Variants in SEMA5B observed in about 807,000 individuals in gnomAD.
The protein encoded by SEMA5B is semaphorin-5B.
Under a neutral mutation model 135.0 loss-of-function variants are expected in SEMA5B, and 66 were observed. That is an observed-to-expected ratio of 0.49 (90% CI 0.40 to 0.60). SEMA5B has a LOEUF of 0.60. Ranked by LOEUF, SEMA5B falls within the 20% of genes least tolerant of loss-of-function variation. The probability of loss-of-function intolerance (pLI) is 0.00; values close to 1 mark genes in which losing one functional copy is unlikely to be tolerated. For missense variants in SEMA5B, 1,501 were observed against 1,566.3 expected, an observed-to-expected ratio of 0.96 and a Z score of 0.70; for synonymous variants, 690 against 639.5, an observed-to-expected ratio of 1.08 and a Z score of -1.19.
intron 12 of SEMA5B, among the ~76,000 whole-genome samples, chr3:122,918,364 G>A (rs956361952): frequency 9.8e-5 from 15 of 152,292 alleles, no homozygotes; most frequent in Non-Finnish European, 1.6e-4. Flanking sequence ...TTTAAAAAGC[G>A]TAAGCAAACA....
chr3:122,981,125 A>C (rs898367769), intron 1 of SEMA5B, among the ~76,000 whole-genome samples: 1 of 152,284 alleles, frequency 6.6e-6, no homozygotes, highest in Admixed American at 6.5e-5. Flanking sequence ...GGTGTGTGTT[A>C]AATGGACATG....
intron 1 of SEMA5B, among the ~76,000 whole-genome samples, chr3:123,017,917 A>G (rs1942598082): frequency 2.0e-5 from 3 of 149,184 alleles, no homozygotes; most frequent in African/African-American, 7.7e-5. Context: ...ATCTCAAAAA[A>G]AGAAAAAAAA....
rs560433908 is a variant in SEMA5B, at chr3:122,936,878, G to A, written c.474+2547C>T. ...AGGATTGGGAAGGAGCTGGGCATTC[G>A]ATTTTCTTTAAGGAAGAGTGGTTTA... On this transcript the variant is annotated intron_variant, in intron 5 of 22. Transcript: ENST00000357599. Among the ~76,000 whole-genome samples the A allele has an allele frequency of 5.3e-5, 8 of 152,310 alleles. No homozygotes were observed. In the South Asian group the frequency reaches 1.2e-3, roughly 24 times the overall value.
At chr3:122,943,592 A>T in intron 3 of SEMA5B, 57 bp from the exon 4 acceptor site, 1 of 1,271,498 alleles carries the variant, frequency 7.9e-7, no homozygotes, top group Non-Finnish European at 1.1e-6. Context: ...TCCCAGCTGC[A>T]TCGCAGCAGA....
At chr3:122,912,744 C>T (rs1253639019) in intron 18 of SEMA5B, 99 bp downstream of exon 18, 17 of 1,195,264 alleles carry the variant, frequency 1.4e-5, no homozygotes, top group South Asian at 7.7e-5. Context: ...GAAGGGGTCA[C>T]CTGGGCATTG....
chr3:122,915,959 C>A (rs1047006096), intron 12 of SEMA5B, 69 bp from the exon 13 acceptor site: 5 of 1,108,796 alleles, frequency 4.5e-6, no homozygotes, highest in Non-Finnish European at 6.9e-6. Flanking sequence ...CAGGAACACA[C>A]GTGAACACTC....
rs866755320 is a variant in SEMA5B, at chr3:122,943,481, T to C, written c.383A>G (p.Gln128Arg). Residue 128 changes from glutamine (Q) to arginine (R), a missense_variant, in exon 4 of 23, where the codon CAG becomes CGG. Coordinates refer to ENST00000357599, the MANE Select transcript of SEMA5B (RefSeq NM_001031702.4). ...GTTCCCGGAGGGGTCCAAAGCCAGC[T>C]GGGAGAAATCCCGGGCTCCAGGGTA... ...FTYPGARDFS[Q>R]LALDPSGNQL... 5.0e-6 allele frequency: 8 copies of C among 1,610,416 alleles called. No homozygotes were observed. In the African/African-American group the frequency reaches 8.0e-5, roughly 16 times the overall value.
chr3:122,954,695 T>A (rs542855492), intron 2 of SEMA5B, among the ~76,000 whole-genome samples: 32 of 152,154 alleles, frequency 2.1e-4, no homozygotes, highest in African/African-American at 7.7e-4. Context: ...AGCTGGTAAG[T>A]GACCTTTAGC....
In SEMA5B at chr3:122,915,524, C is replaced by T. The variant is rs747557471; in HGVS notation, c.1904G>A (p.Arg635Gln). Reference sequence around the variant, plus strand: ...TCGAGGGGAATCACAGGATCGAGCTCGACACAGGCAAGAGCCTGAGTTGTC... The same window carrying T: ...TCGAGGGGAATCACAGGATCGAGCTTGACACAGGCAAGAGCCTGAGTTGTC... ...DGDNSGSCLCRARSCDSPRPR... is the reference protein window; with the variant it reads ...DGDNSGSCLCQARSCDSPRPR... Residue 635 changes from arginine (R) to glutamine (Q), a missense_variant, in exon 14 of 23, where the codon CGA (arginine) becomes CAA (glutamine). Transcript: ENST00000357599. 9.9e-6 allele frequency: 16 copies of T among 1,613,902 alleles called. No homozygotes were observed. The highest frequency in any genetic ancestry group is 1.6e-4 in the Middle Eastern group (1 of 6,080).
chr3:122,998,327 G>A (rs540441209), intron 1 of SEMA5B, among the ~76,000 whole-genome samples: 24 of 151,984 alleles, frequency 1.6e-4, no homozygotes, highest in Middle Eastern at 3.4e-3. Context: ...GTCAGGTAGA[G>A]CGGAAAGGAC....
At chr3:122,990,840 T>C (rs574805934) in intron 1 of SEMA5B, among the ~76,000 whole-genome samples, 186 of 152,292 alleles carry the variant, frequency 1.2e-3, no homozygotes, top group African/African-American at 4.2e-3. Context: ...ATCCTCTAGA[T>C]TGATTTATTT....
In SEMA5B at chr3:122,912,161, G is replaced by A. The variant is rs1483115685; in HGVS notation, c.2896+11C>T. On this transcript the variant is annotated intron_variant, in intron 19 of 22. Coordinates refer to ENST00000357599, the MANE Select transcript of SEMA5B (RefSeq NM_001031702.4). The stretch of plus-strand genomic sequence containing the variant: ...TGTCGCTTCCCAGCCCTGGCGGGAT[G>A]TGCCTCATACCTGGGCAGGCCTGTG... The A allele has an allele frequency of 6.3e-7, 1 of 1,581,708 alleles. No individual in the cohort carries two copies. The highest frequency in any genetic ancestry group is 1.7e-5 in the Admixed American group (1 of 58,416).
intron 1 of SEMA5B, among the ~76,000 whole-genome samples, chr3:123,015,274 T>A (rs921825599): frequency 6.6e-6 from 1 of 152,092 alleles, no homozygotes; most frequent in African/African-American, 2.4e-5. Context: ...AAAGGTAAAA[T>A]TGGGAAGATG....
intron 2 of SEMA5B, among the ~76,000 whole-genome samples, chr3:122,955,501 C>T (rs947076787): frequency 6.6e-5 from 10 of 152,206 alleles, no homozygotes; most frequent in African/African-American, 1.2e-4. Context: ...GTTTCTCATA[C>T]GTACAACCAA....
At position 122,915,615 on chromosome 3, in the gene SEMA5B, T is replaced by G; in HGVS notation, c.1813A>C (p.Asn605His). The change falls in exon 14 of 23, where the codon AAT becomes CAT. Residue 605 changes from asparagine to histidine, a missense_variant. Around this residue, in one of 2 missense-constraint regions of SEMA5B, gnomAD observed 927 missense variants for 881.6 expected, o/e 1.05. Transcript: ENST00000357599. ...TQNITACPVR[N>H]VTRDGGFGPW... ...CCGAAGCCCCCATCCCGTGTCACAT[T>G]CCGCACCTGAAGACACACATGGGAG... The G allele has an allele frequency of 6.2e-7, 1 of 1,611,722 alleles. No homozygotes were observed. Among genetic ancestry groups the G allele is most frequent in the Non-Finnish European group, 8.5e-7 (1 of 1,178,400 alleles).
intron 2 of SEMA5B, among the ~76,000 whole-genome samples, chr3:122,959,498 A>G (rs957266936): frequency 7.2e-5 from 11 of 152,244 alleles, no homozygotes; most frequent in Non-Finnish European, 1.2e-4. Flanking sequence ...AACATGGTCT[A>G]TAATCTTCTG....
chr3:122,993,223 A>G (rs1389703092), intron 1 of SEMA5B: 5 of 152,300 alleles, frequency 3.3e-5, no homozygotes, highest in Non-Finnish European at 7.3e-5. Flanking sequence ...GAGCATCTCC[A>G]ATTGTCCCTC....
intron 1 of SEMA5B, among the ~76,000 whole-genome samples, chr3:123,008,904 G>A (rs1299190466): frequency 6.6e-6 from 1 of 152,142 alleles, no homozygotes; most frequent in Admixed American, 6.5e-5. Flanking sequence ...GGCTGCAGCT[G>A]CCCAGGGCTG....
At chr3:122,994,109 C>T (rs1941960811) in intron 1 of SEMA5B, among the ~76,000 whole-genome samples, 2 of 152,080 alleles carry the variant, frequency 1.3e-5, no homozygotes, top group African/African-American at 4.8e-5. Flanking sequence ...CCCGGCACCA[C>T]TACAGCCCGA....
Sources: gnomAD v4.1 joint callset for allele counts (sites outside exome capture counted in the v4.1 genomes callset) on GRCh38, gnomAD v4.1.1 for gene constraint, gnomAD v4.1.1 regional missense constraint, MANE v1.5 for transcripts, NCBI Gene and HGNC (gene_info 2026-07-23, HGNC 2026-07-21) for gene names.